HDAC4: variants seen among roughly 807,000 people sequenced by gnomAD.
The protein encoded by HDAC4 is histone deacetylase A.
Under a neutral mutation model 135.1 loss-of-function variants are expected in HDAC4, and 16 were observed. That is an observed-to-expected ratio of 0.12 (90% CI 0.08 to 0.18). The LOEUF (loss-of-function observed/expected upper bound fraction) is 0.18, where lower values mean the gene tolerates loss of function less well. Among genes scored for constraint, HDAC4 ranks in the 10% least tolerant of loss-of-function variants. The pLI is 1.00. For synonymous variants in HDAC4, 685 were observed against 653.4 expected (o/e 1.05, Z -0.74); for missense variants, 1,143 against 1,511.8 (o/e 0.76, Z 4.05).
intron 15 of HDAC4, among the ~76,000 whole-genome samples, chr2:239,106,423 A>G (rs1366033154): frequency 1.3e-5 from 2 of 152,190 alleles, no homozygotes; most frequent in African/African-American, 4.8e-5. Flanking sequence ...AAGGGGCAGC[A>G]GGACAGCTGT....
intron 14 of HDAC4, among the ~76,000 whole-genome samples, chr2:239,109,624 A>G (rs1433514766): frequency 7.1e-6 from 1 of 141,726 alleles, no homozygotes; most frequent in South Asian, 2.3e-4. Context: ...AAAAAAAAAA[A>G]GCATCAGGGT....
intron 12 of HDAC4, among the ~76,000 whole-genome samples, chr2:239,119,810 G>T (rs546888301): frequency 3.9e-5 from 6 of 152,216 alleles, no homozygotes; most frequent in Non-Finnish European, 7.4e-5. Flanking sequence ...GCCACAGGAA[G>T]GTGCTAATGA....
chr2:239,117,328 C>T (rs1167908642), intron 12 of HDAC4, among the ~76,000 whole-genome samples: 1 of 152,126 alleles, frequency 6.6e-6, no homozygotes, highest in Non-Finnish European at 1.5e-5. Flanking sequence ...TGAGGCCAGC[C>T]CCACGTCTGG....
intron 3 of HDAC4, among the ~76,000 whole-genome samples, chr2:239,213,900 C>T (rs1020465378): frequency 5.3e-5 from 8 of 152,230 alleles, no homozygotes; most frequent in African/African-American, 1.7e-4. Context: ...TGTGCCTAAC[C>T]GCCTGCTAGT....
In HDAC4 at chr2:239,400,148, T is replaced by G. The variant is rs1038413395; in HGVS notation, c.-220+830A>C. Among the ~76,000 whole-genome samples, 1 of 150,804 alleles carries G rather than the reference T, an allele frequency of 6.6e-6. No homozygotes were observed. The highest frequency in any genetic ancestry group is 1.5e-5 in the Non-Finnish European group (1 of 67,674). ...CCCCCGAGCGGGACCGGGCCCCGTC[T>G]CGGCCTGCTGGCGCCCTGCGGGCTG... On this transcript the variant is annotated intron_variant, in intron 1 of 26. Transcript: ENST00000543185. The surrounding 1 kb of genome is among the most constrained non-coding windows in gnomAD (Gnocchi z 4.7).
In HDAC4 at chr2:239,139,927, AAAG is replaced by A; in HGVS notation, c.866-134_866-132del. On this transcript the variant is annotated intron_variant, in intron 8 of 26. Transcript: ENST00000543185. This position sits in a 1 kb window ranked among gnomAD's most constrained non-coding sequence, Gnocchi z 5.3. Reference sequence around the variant, plus strand: ...TTGCGACAGGCAGAAGTCCCAACAAAAAGAACATGGCCATGGTTTCAAAAAAGA... The same window carrying A: ...TTGCGACAGGCAGAAGTCCCAACAAAAACATGGCCATGGTTTCAAAAAAGA... The A allele has an allele frequency of 1.5e-6, 1 of 673,218 alleles. No homozygotes were observed. Among genetic ancestry groups the A allele is most frequent in the Non-Finnish European group, 2.6e-6 (1 of 380,488 alleles). 41.7% of individuals were successfully genotyped at this position (673,218 alleles called of 1,614,324 possible). A position where few individuals can be genotyped will look rare whatever the true frequency, so the allele number is the denominator to read the frequency against.
In HDAC4 at chr2:239,106,947, G is replaced by T. The variant is rs114213033; in HGVS notation, c.2112+1103C>A. Reference sequence around the variant, plus strand: ...CTATCTGTAGGATGGTGGGATTCCTGGTGTGGGGAGTGGACATAGCAGGTC... The same window carrying T: ...CTATCTGTAGGATGGTGGGATTCCTTGTGTGGGGAGTGGACATAGCAGGTC... On this transcript the variant is annotated intron_variant, in intron 15 of 26. Transcript: ENST00000543185. Among the ~76,000 whole-genome samples the T allele has an allele frequency of 2.3e-3, 343 of 152,296 alleles. 3 individuals are homozygous for T. The highest frequency in any genetic ancestry group is 8.0e-3 in the African/African-American group (333 of 41,564).
chr2:239,067,468 A>C (rs934274218), intron 23 of HDAC4, among the ~76,000 whole-genome samples: 1 of 152,214 alleles, frequency 6.6e-6, no homozygotes, highest in African/African-American at 2.4e-5. Context: ...TGGGCTGGCG[A>C]GGCCGTAACT....
chr2:239,280,363 C>T (rs747414561), intron 2 of HDAC4, among the ~76,000 whole-genome samples: 3 of 152,104 alleles, frequency 2.0e-5, no homozygotes, highest in East Asian at 1.9e-4. Context: ...GTTACATGCA[C>T]GAAGAACATT....
In HDAC4 at chr2:239,097,142, G is replaced by T. The variant is rs3791383; in HGVS notation, c.2234-2086C>A. ...CCTACGTGCTCGGAGGAGCCAGCCT[G>T]TGTCGGAGGGAGCCCGCGCTCCTCT... On this transcript the variant is annotated intron_variant, in intron 16 of 26. Transcript: ENST00000543185. Among the ~76,000 whole-genome samples the T allele has an allele frequency of 1.6e-3, 251 of 152,296 alleles. 2 individuals carry two copies. The highest frequency in any genetic ancestry group is 5.8e-3 in the African/African-American group (242 of 41,560).
intron 1 of HDAC4, among the ~76,000 whole-genome samples, chr2:239,361,646 C>T (rs926131579): frequency 5.9e-5 from 9 of 152,318 alleles, no homozygotes; most frequent in African/African-American, 1.9e-4. Flanking sequence ...CTGAAGCCCA[C>T]GAGGAAAGCA....
intron 3 of HDAC4, among the ~76,000 whole-genome samples, chr2:239,204,239 T>C (rs1168586934): frequency 1.3e-5 from 2 of 152,150 alleles, no homozygotes; most frequent in Non-Finnish European, 2.9e-5. Flanking sequence ...GCTGTGCAGG[T>C]GTAGTGACTG....
intron 3 of HDAC4, among the ~76,000 whole-genome samples, chr2:239,222,857 C>T (rs1018884712): frequency 1.3e-5 from 2 of 152,178 alleles, no homozygotes; most frequent in African/African-American, 4.8e-5. Flanking sequence ...GTATCACAGA[C>T]GGGAGATGCA....
chr2:239,126,519 C>T lies in HDAC4; in HGVS notation c.1470G>A (p.Gln490=), dbSNP rs2040199827. Residue 490 remains glutamine (Q), a synonymous_variant, in exon 12 of 27, where the codon CAG becomes CAA. Coordinates refer to ENST00000543185, the MANE Select transcript of HDAC4 (RefSeq NM_001378414.1). ...TGTGTTTCTCCAGAAACTGCTGATG[C>T]TGCTGCTGGATGACCAGGTGCTGCA... The part of the protein sequence containing the change: ...QALQHLVIQQ[Q]HQQFLEKHKQ... 1 of 1,613,330 alleles carries T rather than the reference C, an allele frequency of 6.2e-7. No homozygotes were observed. Among genetic ancestry groups the T allele is most frequent in the Non-Finnish European group, 8.5e-7 (1 of 1,179,748 alleles).
chr2:239,094,395 A>G lies in HDAC4; in HGVS notation c.2280+615T>C, dbSNP rs954663160. On this transcript the variant is annotated intron_variant, in intron 17 of 26. Coordinates refer to ENST00000543185, the MANE Select transcript of HDAC4 (RefSeq NM_001378414.1). The stretch of plus-strand genomic sequence containing the variant: ...CCTTGTGAACTTATGCGCCCAGGCC[A>G]GGTCCATATCATCAGCTCGTAGAAG... 7 of 622,706 alleles carry G rather than the reference A, an allele frequency of 1.1e-5. No homozygotes were observed. The African/African-American group carries it at 1.5e-4, about 13-fold the overall frequency. 38.6% of individuals were successfully genotyped at this position (622,706 alleles called of 1,614,324 possible). A position where few individuals can be genotyped will look rare whatever the true frequency, so the allele number is the denominator to read the frequency against.
intron 2 of HDAC4, chr2:239,298,025 A>T: frequency 4.8e-6 from 2 of 417,816 alleles, no homozygotes; most frequent in South Asian, 3.7e-5. Context: ...AAGACACCAA[A>T]AAAAGGCAGG....
chr2:239,095,053 G>C lies in HDAC4; in HGVS notation c.2237C>G (p.Ser746Trp). 1 of 1,613,846 alleles carries C rather than the reference G, an allele frequency of 6.2e-7. No individual in the cohort carries two copies. The highest frequency in any genetic ancestry group is 8.5e-7 in the Non-Finnish European group (1 of 1,179,992). The change falls in exon 17 of 27, where the codon TCG (serine) becomes TGG (tryptophan). Residue 746 changes from serine (S) to tryptophan (W), a missense_variant. Transcript: ENST00000543185. Reference sequence around the variant, plus strand: ...GAGCCGGACGAACACGGAGGCGAGCGAGCCTGTGGGGGGGAGGGAGACGGT... The same window carrying C: ...GAGCCGGACGAACACGGAGGCGAGCCAGCCTGTGGGGGGGAGGGAGACGGT... ...QKLDSKKLLG[S>W]LASVFVRLPC...
In HDAC4 at chr2:239,400,837, G is replaced by A. The variant is rs1696936268; in HGVS notation, c.-220+141C>T. On this transcript the variant is annotated intron_variant, in intron 1 of 26. Coordinates refer to ENST00000543185, the MANE Select transcript of HDAC4 (RefSeq NM_001378414.1). The surrounding 1 kb of genome is among the most constrained non-coding windows in gnomAD (Gnocchi z 4.7). ...GGCCACGGCGCCGCCGGGGGCCCAGGCTGGGAGGCTGTTCGGGCGGCGGCG... is the reference window on the plus strand; with the variant it reads ...GGCCACGGCGCCGCCGGGGGCCCAGACTGGGAGGCTGTTCGGGCGGCGGCG... 1.4e-5 allele frequency: 2 copies of A among 145,498 alleles called. No individual in the cohort carries two copies. The highest frequency in any genetic ancestry group is 3.6e-4 in the South Asian group (2 of 5,578). The allele number at this position is 145,498 out of a possible 1,614,324, so 9.0% of individuals were successfully genotyped here. A position where few individuals can be genotyped will look rare whatever the true frequency, so the allele number is the denominator to read the frequency against.
chr2:239,137,364 T>TC (rs1230542187), intron 9 of HDAC4, among the ~76,000 whole-genome samples: 1 of 152,162 alleles, frequency 6.6e-6, no homozygotes, highest in African/African-American at 2.4e-5. Context: ...AGAGGAGCTG[T>TC]CCCCTTACGC....
Sources: allele counts gnomAD v4.1 joint callset (sites outside exome capture counted in the v4.1 genomes callset), GRCh38; gene constraint gnomAD v4.1.1; non-coding constraint Gnocchi (gnomAD v3.1); transcripts MANE v1.5; gene names NCBI Gene and HGNC (gene_info 2026-07-23, HGNC 2026-07-21).